DNAH11: variants seen among roughly 807,000 people sequenced by gnomAD.
The protein encoded by DNAH11 is dynein axonemal heavy chain 11.
Under a neutral mutation model 526.0 loss-of-function variants are expected in DNAH11, and 442 were observed. The ratio of observed to expected loss-of-function variants is 0.84; its 90% CI spans 0.78 to 0.91. The LOEUF is 0.91. Among genes scored for constraint, DNAH11 ranks in the 40% least tolerant of loss-of-function variants. The probability of loss-of-function intolerance (pLI) is 0.00; values close to 1 mark genes in which losing one functional copy is unlikely to be tolerated. For synonymous variants in DNAH11, 2,461 were observed against 1,935.9 expected, an observed-to-expected ratio of 1.27 and a Z score of -7.12; for missense variants, 6,989 against 5,448.7, an observed-to-expected ratio of 1.28 and a Z score of -8.90.
At chr7:21,896,527 A>G (rs985565800) in intron 79 of DNAH11, among the ~76,000 whole-genome samples, 1 of 152,166 alleles carries the variant, frequency 6.6e-6, no homozygotes, top group Non-Finnish European at 1.5e-5. Context: ...CAATTTTACT[A>G]TTGTACTGAG....
At chr7:21,740,341 A>G (rs1785823005) in intron 48 of DNAH11, among the ~76,000 whole-genome samples, 1 of 152,066 alleles carries the variant, frequency 6.6e-6, no homozygotes, top group Non-Finnish European at 1.5e-5. Flanking sequence ...AACTCTTTTC[A>G]TCTTGTGAAA....
At chr7:21,661,747 T>G (rs983618656) in intron 30 of DNAH11, among the ~76,000 whole-genome samples, 2 of 152,146 alleles carry the variant, frequency 1.3e-5, no homozygotes, top group Admixed American at 1.3e-4. Context: ...AGTTTTATCA[T>G]CTGCAAAACA....
chr7:21,891,373 A>C (rs1784320991), intron 76 of DNAH11, among the ~76,000 whole-genome samples: 1 of 152,236 alleles, frequency 6.6e-6, no homozygotes. Context: ...GTGCACATAC[A>C]GACAGGATTT....
At chr7:21,804,814 TTAAG>T in intron 62 of DNAH11, among the ~76,000 whole-genome samples, 1 of 152,236 alleles carries the variant, frequency 6.6e-6, no homozygotes, top group East Asian at 1.9e-4. Context: ...TTTTACAAAC[TTAAG>T]TACATTCACA....
chr7:21,775,301 A>G (rs1337463414), intron 56 of DNAH11, among the ~76,000 whole-genome samples: 2 of 152,076 alleles, frequency 1.3e-5, no homozygotes, highest in African/African-American at 4.8e-5. Flanking sequence ...ATATTTGTGC[A>G]CCTTCTCCTT....
At chr7:21,853,848 A>G (rs1782731044) in intron 67 of DNAH11, among the ~76,000 whole-genome samples, 1 of 152,232 alleles carries the variant, frequency 6.6e-6, no homozygotes, top group Non-Finnish European at 1.5e-5. Context: ...TCTCTATATT[A>G]AGGCTTTTTA....
rs769290954 is a variant in DNAH11 at position 21,711,749 on chromosome 7, C to T, written c.6872C>T (p.Thr2291Ile). 2 of 1,613,894 alleles carry T rather than the reference C, an allele frequency of 1.2e-6. No homozygotes were observed. Among genetic ancestry groups the T allele is most frequent in the South Asian group, 2.2e-5 (2 of 91,084 alleles). Residue 2291 changes from threonine to isoleucine, a missense_variant, in exon 42 of 82, where the codon ACT becomes ATT. Coordinates refer to ENST00000409508, the MANE Select transcript of DNAH11 (RefSeq NM_001277115.2). ...GCCAGCAATGAGCGCATTGCACTCACTCCCTTCATGAGGCTTCTGTTTGAG... is the reference window on the plus strand; with the variant it reads ...GCCAGCAATGAGCGCATTGCACTCATTCCCTTCATGAGGCTTCTGTTTGAG... Reference protein sequence around the residue: ...TLASNERIALTPFMRLLFEIH... With the variant: ...TLASNERIALIPFMRLLFEIH...
At chr7:21,885,844 C>T (rs1228637124) in intron 76 of DNAH11, among the ~76,000 whole-genome samples, 1 of 152,154 alleles carries the variant, frequency 6.6e-6, no homozygotes, top group African/African-American at 2.4e-5. Context: ...TTTAAAAGAC[C>T]AAGCATCCTT....
chr7:21,547,359 C>T (rs915434640), intron 2 of DNAH11, among the ~76,000 whole-genome samples: 5 of 152,152 alleles, frequency 3.3e-5, no homozygotes, highest in Non-Finnish European at 7.4e-5. Flanking sequence ...AGGATGGACT[C>T]GGAGACACGC....
intron 68 of DNAH11, among the ~76,000 whole-genome samples, chr7:21,859,392 G>T (rs1017334657): frequency 2.6e-5 from 4 of 152,286 alleles, no homozygotes; most frequent in South Asian, 2.1e-4. Context: ...GGGATTACAG[G>T]CATGAGCCAC....
At chr7:21,739,042 C>T (rs536999497) in intron 47 of DNAH11, among the ~76,000 whole-genome samples, 176 bp downstream of exon 47, 8 of 152,186 alleles carry the variant, frequency 5.3e-5, no homozygotes, top group Non-Finnish European at 1.0e-4. Context: ...TGCTTTGTAT[C>T]TCTTTTCATC....
intron 2 of DNAH11, among the ~76,000 whole-genome samples, chr7:21,554,977 C>CA (rs1432198079): frequency 6.6e-6 from 1 of 152,182 alleles, no homozygotes; most frequent in Non-Finnish European, 1.5e-5. Flanking sequence ...CCTGCTGCCC[C>CA]TTGATTTTCC....
chr7:21,713,993 C>A (rs1396982884), intron 42 of DNAH11, among the ~76,000 whole-genome samples: 2 of 152,172 alleles, frequency 1.3e-5, no homozygotes, highest in African/African-American at 4.8e-5. Context: ...AACCCAGGCA[C>A]CACAGTGCGT....
intron 42 of DNAH11, among the ~76,000 whole-genome samples, chr7:21,712,829 TA>T (rs537279300): frequency 5.9e-5 from 9 of 152,336 alleles, no homozygotes; most frequent in Middle Eastern, 6.8e-3. Context: ...GCTAACTAAT[TA>T]GGCTAATTAA....
chr7:21,788,485 G>C (rs565391837), intron 60 of DNAH11, among the ~76,000 whole-genome samples: 1 of 151,882 alleles, frequency 6.6e-6, no homozygotes, highest in Non-Finnish European at 1.5e-5. Flanking sequence ...TACAGTAGGT[G>C]AAAAGACAAG....
At chr7:21,658,399 A>G (rs2128465797) in intron 29 of DNAH11, among the ~76,000 whole-genome samples, 1 of 152,324 alleles carries the variant, frequency 6.6e-6, no homozygotes, top group South Asian at 2.1e-4. Flanking sequence ...GCTCTAGAAT[A>G]TGACTCATAC....
chr7:21,611,842 C>T (rs915479186), intron 20 of DNAH11, among the ~76,000 whole-genome samples: 1 of 152,036 alleles, frequency 6.6e-6, no homozygotes, highest in African/African-American at 2.4e-5. Flanking sequence ...ATATATTTAC[C>T]ACCAATAAAC....
In DNAH11 at chr7:21,750,238, G is replaced by T; in HGVS notation, c.8814G>T (p.Leu2938=). The change falls in exon 54 of 82, where the codon CTG becomes CTT. Residue 2938 remains leucine (L), a synonymous_variant. Transcript: ENST00000409508. ...DLLASGEIPD[L]FSDEDVDKII... ...TTGGGGCAGGAGAAATCCCAGATCT[G>T]TTCAGCGATGAAGATGTGGACAAGA... is the stretch of plus-strand genomic sequence containing the variant. 1.2e-6 allele frequency: 2 copies of T among 1,605,614 alleles called. No individual in the cohort carries two copies. Among genetic ancestry groups the T allele is most frequent in the Middle Eastern group, 1.7e-4 (1 of 6,050 alleles).
intron 58 of DNAH11, 91 bp from the exon 59 acceptor site, chr7:21,786,533 G>T (rs1788200576): frequency 4.2e-6 from 6 of 1,431,996 alleles, no homozygotes; most frequent in Non-Finnish European, 5.6e-6. Flanking sequence ...AGAAGTGGGA[G>T]TCCACTAAAG....
Sources: allele counts gnomAD v4.1 joint callset (sites outside exome capture counted in the v4.1 genomes callset), GRCh38; gene constraint gnomAD v4.1.1; transcripts MANE v1.5; gene names NCBI Gene and HGNC (gene_info 2026-07-23, HGNC 2026-07-21).